The following IL15 variants were observed in gnomAD, a reference collection of about 807,000 sequenced individuals.
IL15 encodes interleukin-15.
Under a neutral mutation model 19.6 loss-of-function variants are expected in IL15, and 11 were observed. The observed-to-expected ratio is 0.56, with a 90% CI of 0.35 to 0.93. The LOEUF is 0.93. Ranked by LOEUF, IL15 falls within the 40% of genes least tolerant of loss-of-function variation. The probability of loss-of-function intolerance (pLI) is 0.01; values close to 1 mark genes in which losing one functional copy is unlikely to be tolerated. For synonymous variants in IL15, 58 were observed against 59.6 expected (o/e 0.97, Z 0.12); for missense variants, 197 against 186.5 (o/e 1.06, Z -0.33).
intron 5 of IL15, among the ~76,000 whole-genome samples, chr4:141,723,825 C>T (rs770090925): frequency 5.9e-5 from 9 of 152,076 alleles, no homozygotes; most frequent in South Asian, 4.2e-4. Flanking sequence ...CATCAAACAA[C>T]GAAGACTCAA....
chr4:141,645,809 G>A (rs1560899675), intron 1 of IL15, among the ~76,000 whole-genome samples: 1 of 152,016 alleles, frequency 6.6e-6, no homozygotes, highest in African/African-American at 2.4e-5. Context: ...CACACATATA[G>A]AGCCTCAGTT....
At chr4:141,659,876 A>G (rs775617740) in intron 2 of IL15, among the ~76,000 whole-genome samples, 1 of 150,634 alleles carries the variant, frequency 6.6e-6, no homozygotes, top group Non-Finnish European at 1.5e-5. Context: ...TTTGATTCCT[A>G]CATTTTTTAG....
At chr4:141,719,549 A>G (rs1319782460) in intron 3 of IL15, 73 bp downstream of exon 3, 2 of 1,186,366 alleles carry the variant, frequency 1.7e-6, no homozygotes, top group Admixed American at 4.0e-5. Context: ...GAGTCTTTGC[A>G]ATAAGTTACA....
At chr4:141,699,760 A>AGTGGCT (rs771289227) in intron 2 of IL15, among the ~76,000 whole-genome samples, 1 of 152,118 alleles carries the variant, frequency 6.6e-6, no homozygotes, top group Admixed American at 6.5e-5. Flanking sequence ...ATATTTGGTT[A>AGTGGCT]GTGGCTGTTT....
chr4:141,695,406 C>T (rs1302475138), intron 2 of IL15, among the ~76,000 whole-genome samples: 1 of 148,112 alleles, frequency 6.8e-6, no homozygotes, highest in African/African-American at 2.5e-5. Context: ...TAAATGACAA[C>T]ACTTCATTCT....
chr4:141,676,367 G>A (rs1009887062), intron 2 of IL15, among the ~76,000 whole-genome samples: 1 of 152,140 alleles, frequency 6.6e-6, no homozygotes, highest in African/African-American at 2.4e-5. Context: ...TTGTCAGGAG[G>A]TACCTTGCAA....
intron 1 of IL15, among the ~76,000 whole-genome samples, chr4:141,648,699 A>T (rs947077958): frequency 6.6e-6 from 1 of 152,062 alleles, no homozygotes; most frequent in African/African-American, 2.4e-5. Context: ...GATCCTTGTA[A>T]AGAACCTCTA....
intron 2 of IL15, among the ~76,000 whole-genome samples, chr4:141,713,209 T>C (rs1168294037): frequency 6.6e-6 from 1 of 152,204 alleles, no homozygotes; most frequent in Non-Finnish European, 1.5e-5. Context: ...TTAGTGCGAT[T>C]AATGATAGGA....
At chr4:141,705,528 A>G (rs564539648) in intron 2 of IL15, among the ~76,000 whole-genome samples, 2 of 152,134 alleles carry the variant, frequency 1.3e-5, no homozygotes, top group Non-Finnish European at 2.9e-5. Flanking sequence ...AATGTTCCAT[A>G]TGCAGGTGAG....
intron 2 of IL15, among the ~76,000 whole-genome samples, chr4:141,658,637 T>C (rs1335715603): frequency 1.3e-5 from 2 of 151,228 alleles, no homozygotes; most frequent in South Asian, 2.1e-4. Flanking sequence ...TAGATCAAGA[T>C]AAACAGTAGA....
At chr4:141,699,447 T>C (rs1165840148) in intron 2 of IL15, among the ~76,000 whole-genome samples, 1 of 152,186 alleles carries the variant, frequency 6.6e-6, no homozygotes, top group Non-Finnish European at 1.5e-5. Flanking sequence ...CCCACTATTA[T>C]TATATTGCTG....
chr4:141,638,421 A>G (rs1321551650), intron 1 of IL15, among the ~76,000 whole-genome samples: 1 of 152,128 alleles, frequency 6.6e-6, no homozygotes, highest in African/African-American at 2.4e-5. Context: ...GGGTCAGTTG[A>G]CCATTGGTCT....
At chr4:141,651,699 A>G (rs1727412135) in intron 1 of IL15, among the ~76,000 whole-genome samples, 1 of 151,686 alleles carries the variant, frequency 6.6e-6, no homozygotes, top group Non-Finnish European at 1.5e-5. Context: ...CCCGGATGAT[A>G]TACATATATA....
intron 3 of IL15, 108 bp downstream of exon 3, chr4:141,719,584 A>G: frequency 3.7e-6 from 3 of 814,054 alleles, no homozygotes; most frequent in East Asian, 2.8e-5. Context: ...AGATCTTGAG[A>G]TATCACAGAT....
At chr4:141,655,035 A>C (rs1015596656) in intron 1 of IL15, among the ~76,000 whole-genome samples, 169 of 152,308 alleles carry the variant, frequency 1.1e-3, no homozygotes, top group African/African-American at 3.8e-3. Context: ...GTATAGACAA[A>C]CAGCTATAGC....
At chr4:141,729,041 A>G (rs1441890613) in intron 6 of IL15, among the ~76,000 whole-genome samples, 1 of 152,086 alleles carries the variant, frequency 6.6e-6, no homozygotes, top group East Asian at 1.9e-4. Context: ...GCTCATTTTT[A>G]TTATTGCTGA....
chr4:141,678,646 G>A (rs576750330), intron 2 of IL15, among the ~76,000 whole-genome samples: 216 of 148,696 alleles, frequency 1.5e-3, no homozygotes, highest in Non-Finnish European at 2.4e-3. Flanking sequence ...TCTGTCACTA[G>A]GCTAGAGTGC....
chr4:141,702,157 C>T (rs1729343198), intron 2 of IL15, among the ~76,000 whole-genome samples: 2 of 152,182 alleles, frequency 1.3e-5, no homozygotes, highest in Non-Finnish European at 2.9e-5. Context: ...CAGCTCTGCA[C>T]TTGGGTCACT....
At chr4:141,730,980 G>A (rs1730432350) in intron 7 of IL15, among the ~76,000 whole-genome samples, 1 of 152,260 alleles carries the variant, frequency 6.6e-6, no homozygotes, top group South Asian at 2.1e-4. Context: ...AAAGGACACA[G>A]GGTAGGGGCA....
Sources: gnomAD v4.1 joint callset for allele counts (sites outside exome capture counted in the v4.1 genomes callset) on GRCh38, gnomAD v4.1.1 for gene constraint, MANE v1.5 for transcripts, NCBI Gene and HGNC (gene_info 2026-07-23, HGNC 2026-07-21) for gene names.